The following ELFN1 variants were observed in gnomAD, a reference collection of about 807,000 sequenced individuals.
The protein encoded by ELFN1 is protein ELFN1.
A neutral mutation model predicts 7.6 loss-of-function variants in ELFN1; 6 were observed. That is an observed-to-expected ratio of 0.79 (90% CI 0.43 to 1.56). The LOEUF (loss-of-function observed/expected upper bound fraction) is 1.56. ELFN1 is among the 40% of genes most tolerant of loss of function. The pLI is 0.01. For missense variants in ELFN1, 1,169 were observed against 1,232.2 expected, an observed-to-expected ratio of 0.95 and a Z score of 0.77; for synonymous variants, 657 against 588.1, an observed-to-expected ratio of 1.12 and a Z score of -1.70.
At chr7:1,677,714 C>T (rs983172425) in intron 1 of ELFN1, among the ~76,000 whole-genome samples, 4 of 152,068 alleles carry the variant, frequency 2.6e-5, no homozygotes, top group African/African-American at 9.7e-5. Flanking sequence ...ATGATCGTGG[C>T]TCTGATGTGA....
chr7:1,697,396 G>T (rs577307993), intron 2 of ELFN1, among the ~76,000 whole-genome samples: 1 of 152,164 alleles, frequency 6.6e-6, no homozygotes, highest in African/African-American at 2.4e-5. Flanking sequence ...GGGAGGAGCC[G>T]GTGCTGGGAG....
chr7:1,724,527 C>G (rs1780125865), intron 3 of ELFN1, among the ~76,000 whole-genome samples: 2 of 152,158 alleles, frequency 1.3e-5, no homozygotes, highest in Non-Finnish European at 2.9e-5. Context: ...GATCTTGGTC[C>G]TGGCCCTCCT....
intron 2 of ELFN1, among the ~76,000 whole-genome samples, chr7:1,706,739 C>G: frequency 6.6e-6 from 1 of 152,244 alleles, no homozygotes; most frequent in Admixed American, 6.5e-5. Flanking sequence ...GAGAGACCAC[C>G]CTCCAGGCCT....
At chr7:1,708,035 C>T (rs920202312) in intron 2 of ELFN1, among the ~76,000 whole-genome samples, 11 of 152,132 alleles carry the variant, frequency 7.2e-5, no homozygotes, top group South Asian at 2.1e-4. Flanking sequence ...ACCAACCTCG[C>T]GAACCCCTTT....
rs1465165350 is a variant in ELFN1, at chr7:1,673,016, T to C, written c.-549+2662T>C. Among the ~76,000 whole-genome samples the C allele has an allele frequency of 6.6e-6, 1 of 152,100 alleles. No homozygotes were observed. The highest frequency in any genetic ancestry group is 1.9e-4 in the East Asian group (1 of 5,196). Reference sequence around the variant, plus strand: ...GGGCTGGGTGATGAGGCCATAAATTTCCAGGCGTGAACCTGGAGCGGATGG... The same window carrying C: ...GGGCTGGGTGATGAGGCCATAAATTCCCAGGCGTGAACCTGGAGCGGATGG... On this transcript the variant is annotated intron_variant, in intron 1 of 3. Transcript: ENST00000424383. The surrounding 1 kb of genome is among the most constrained non-coding windows in gnomAD (Gnocchi z 4.7).
At chr7:1,738,271 G>A (rs370716096) in intron 3 of ELFN1, among the ~76,000 whole-genome samples, 7 of 152,280 alleles carry the variant, frequency 4.6e-5, no homozygotes, top group Non-Finnish European at 4.4e-5. Flanking sequence ...GGTGAGGGGC[G>A]TCAGACACTG....
At chr7:1,721,363 G>A in intron 3 of ELFN1, among the ~76,000 whole-genome samples, 1 of 152,240 alleles carries the variant, frequency 6.6e-6, no homozygotes, top group East Asian at 1.9e-4. Flanking sequence ...GTGAGTGCAA[G>A]CTCTCAGGGG....
In ELFN1 at chr7:1,746,072, G is replaced by T. The variant is rs898819466; in HGVS notation, c.1476G>T (p.Glu492Asp). ...PLSQGPLLGP[E>D]AVTRIPYLPA... ...CCCAGGGCCCGCTGCTGGGCCCCGA[G>T]GCCGTGACGCGCATCCCTTACCTGC... The change falls in exon 4 of 4, where the codon GAG (glutamate) becomes GAT (aspartate). Residue 492 changes from glutamate to aspartate, a missense_variant. Coordinates refer to ENST00000424383, the MANE Select transcript of ELFN1 (RefSeq NM_001128636.4). 6 of 1,546,936 alleles carry T rather than the reference G, an allele frequency of 3.9e-6. No individual in the cohort carries two copies. The African/African-American group carries it at 8.2e-5, about 21-fold the overall frequency.
intron 3 of ELFN1, among the ~76,000 whole-genome samples, chr7:1,723,200 A>G (rs932279424): frequency 7.9e-5 from 12 of 152,226 alleles, no homozygotes; most frequent in African/African-American, 2.7e-4. Flanking sequence ...ATCTCAAAAA[A>G]AATTTTTTTT....
upstream of ELFN1, among the ~76,000 whole-genome samples, chr7:1,670,175 G>C (rs950898565): frequency 3.4e-5 from 5 of 148,996 alleles, no homozygotes; most frequent in Non-Finnish European, 7.5e-5. This position sits in a 1 kb window ranked among gnomAD's most constrained non-coding sequence, Gnocchi z 6.4. Context: ...GGGAGGGAAG[G>C]GGGGCGGGAG....
At chr7:1,667,966 G>GA (rs1562352016), upstream of ELFN1, among the ~76,000 whole-genome samples, 1 of 72,740 alleles carries the variant, frequency 1.4e-5, no homozygotes, top group Non-Finnish European at 3.0e-5. This position sits in a 1 kb window ranked among gnomAD's most constrained non-coding sequence, Gnocchi z 8.2. Context: ...CGCTCGGGGT[G>GA]GGGGGGGGGG....
intron 3 of ELFN1, among the ~76,000 whole-genome samples, chr7:1,730,315 CTGTT>C (rs1200370391): frequency 6.6e-6 from 1 of 152,240 alleles, no homozygotes; most frequent in Admixed American, 6.5e-5. Flanking sequence ...AGCAGCAACA[CTGTT>C]TGATGAGCTG....
At chr7:1,693,717 ACCCT>A (rs1779231615) in intron 2 of ELFN1, 1 of 470,456 alleles carries the variant, frequency 2.1e-6, no homozygotes. Flanking sequence ...CGCCACACTC[ACCCT>A]CCCGCTCGTC....
chr7:1,684,415 G>A (rs778155842), intron 1 of ELFN1, among the ~76,000 whole-genome samples: 7 of 151,962 alleles, frequency 4.6e-5, no homozygotes, highest in Non-Finnish European at 1.0e-4. Flanking sequence ...TTGCTGTCCA[G>A]TCTGACAATC....
intron 1 of ELFN1, among the ~76,000 whole-genome samples, chr7:1,680,734 A>G (rs183714051): frequency 6.8e-6 from 1 of 147,622 alleles, no homozygotes; most frequent in East Asian, 2.0e-4. Context: ...CTGTGGATTT[A>G]CAATTTTTTT....
chr7:1,693,849 G>A (rs1779236985), intron 2 of ELFN1: 2 of 458,088 alleles, frequency 4.4e-6, no homozygotes, highest in African/African-American at 2.0e-5. Context: ...GGGTTCCTGG[G>A]CAGAGGCTCC....
chr7:1,699,691 T>C (rs1432276209), intron 2 of ELFN1, among the ~76,000 whole-genome samples: 1 of 152,154 alleles, frequency 6.6e-6, no homozygotes, highest in Non-Finnish European at 1.5e-5. Context: ...TGTGCTTTAA[T>C]TGATTTAGTC....
intron 1 of ELFN1, among the ~76,000 whole-genome samples, chr7:1,686,041 A>C (rs1327152390): frequency 6.8e-6 from 1 of 146,868 alleles, no homozygotes; most frequent in Non-Finnish European, 1.5e-5. Context: ...GGGGACACTC[A>C]GTGACGGTTT....
At position 1,745,427 on chromosome 7, in the gene ELFN1, G is replaced by A. The variant is rs551528203; in HGVS notation, c.831G>A (p.Pro277=). The A allele has an allele frequency of 1.7e-4, 263 of 1,539,350 alleles. 4 individuals are homozygous for A. In the South Asian group the frequency reaches 2.4e-3, roughly 14 times the overall value. Residue 277 remains proline (P), a synonymous_variant, in exon 4 of 4, where the codon CCG becomes CCA. Coordinates refer to ENST00000424383, the MANE Select transcript of ELFN1 (RefSeq NM_001128636.4). ...SGRSQPGRSP[P]PPPPPEPSDM... is the part of the protein sequence containing the mutation. ...GCTCACAGCCGGGCCGCTCCCCGCC[G>A]CCCCCGCCTCCGCCGGAGCCCAGTG...
Sources: gnomAD v4.1 joint callset for allele counts (sites outside exome capture counted in the v4.1 genomes callset) on GRCh38, gnomAD v4.1.1 for gene constraint, Gnocchi (gnomAD v3.1) non-coding constraint, MANE v1.5 for transcripts, NCBI Gene and HGNC (gene_info 2026-07-23, HGNC 2026-07-21) for gene names.